RBFOX1: variants seen among roughly 807,000 people sequenced by gnomAD.
RBFOX1 encodes RNA binding fox-1 homolog 1.
RBFOX1 carries 8 observed loss-of-function variants against 57.7 expected under a neutral mutation model. The ratio of observed to expected loss-of-function variants is 0.14; its 90% CI spans 0.08 to 0.25. RBFOX1 has a LOEUF of 0.25. RBFOX1 is among the 10% of genes least tolerant of loss of function. The probability of loss-of-function intolerance (pLI) is 1.00; values close to 1 mark genes in which losing one functional copy is unlikely to be tolerated. For missense variants in RBFOX1, 611 were observed against 548.5 expected (o/e 1.11, Z -1.14); for synonymous variants, 326 against 222.4 (o/e 1.47, Z -4.15).
chr16:5,305,383 G>T (rs1356941291), intron 1 of RBFOX1, among the ~76,000 whole-genome samples: 2 of 151,966 alleles, frequency 1.3e-5, no homozygotes, highest in Admixed American at 1.3e-4. Flanking sequence ...TTCTGCTGGG[G>T]GTCACTTACA....
At position 6,939,604 on chromosome 16, in the gene RBFOX1, C is replaced by G. The variant is rs141024800; in HGVS notation, c.-15-112453C>G. Among the ~76,000 whole-genome samples the G allele has an allele frequency of 1.5e-3, 224 of 151,756 alleles. 3 individuals carry two copies. The highest frequency in any genetic ancestry group is 5.2e-3 in the African/African-American group (213 of 41,354). On this transcript the variant is annotated intron_variant, in intron 3 of 15. Transcript: ENST00000550418. ...TCAGCTCACTGCAACCTCTCCCTCC[C>G]AAGTTCACTTGATTCTCATGCCTCA...
intron 1 of RBFOX1, among the ~76,000 whole-genome samples, chr16:6,202,324 C>A (rs996568400): frequency 6.6e-6 from 1 of 152,184 alleles, no homozygotes; most frequent in Admixed American, 6.5e-5. Context: ...CCTGATTGCT[C>A]TGAGAGATTT....
intron 2 of RBFOX1, among the ~76,000 whole-genome samples, chr16:6,646,910 C>A (rs1476156975): frequency 6.6e-6 from 1 of 152,048 alleles, no homozygotes; most frequent in Non-Finnish European, 1.5e-5. Flanking sequence ...AGGAAGATAC[C>A]GCGTGTACAC....
At chr16:7,018,844 T>C (rs1272085040) in intron 3 of RBFOX1, among the ~76,000 whole-genome samples, 1 of 150,818 alleles carries the variant, frequency 6.6e-6, no homozygotes, top group Non-Finnish European at 1.5e-5. Context: ...CTAGGCCAGG[T>C]GCAGTGGCTG....
chr16:6,347,304 A>C (rs1005347711), intron 2 of RBFOX1, among the ~76,000 whole-genome samples: 2 of 152,110 alleles, frequency 1.3e-5, no homozygotes, highest in African/African-American at 4.8e-5. Flanking sequence ...CATCATCATC[A>C]TTGTCTCTCC....
intron 1 of RBFOX1, among the ~76,000 whole-genome samples, chr16:5,331,627 A>G (rs1036167329): frequency 3.0e-4 from 46 of 152,380 alleles, no homozygotes; most frequent in African/African-American, 1.1e-3. Flanking sequence ...TGGCCAAACA[A>G]AAATCAAAGG....
In RBFOX1 at chr16:6,257,841, T is replaced by C. The variant is rs116915208; in HGVS notation, c.-126-59154T>C. 4.3e-3 allele frequency among the ~76,000 whole-genome samples: 651 copies of C among 152,296 alleles called. 6 individuals carry two copies. The highest frequency in any genetic ancestry group is 0.025 in the Admixed American group (380 of 15,298). ...CTCTATCATTAATGGGCATTTAGGT[T>C]GTTTCCATGTCTTTTCTACTGTGAA... On this transcript the variant is annotated intron_variant, in intron 1 of 15. Coordinates refer to ENST00000550418, the MANE Select transcript of RBFOX1 (RefSeq NM_018723.4).
intron 4 of RBFOX1, among the ~76,000 whole-genome samples, chr16:5,975,791 A>C (rs767494764): frequency 1.3e-5 from 2 of 152,218 alleles, no homozygotes; most frequent in Non-Finnish European, 2.9e-5. Flanking sequence ...GTATAATTCA[A>C]TGAGATATTG....
At chr16:7,037,872 G>C (rs1200376258) in intron 3 of RBFOX1, among the ~76,000 whole-genome samples, 1 of 152,118 alleles carries the variant, frequency 6.6e-6, no homozygotes, top group African/African-American at 2.4e-5. Flanking sequence ...GCCCAGATAA[G>C]GCCATGGCCT....
At chr16:5,986,033 T>C (rs571349091) in intron 4 of RBFOX1, among the ~76,000 whole-genome samples, 91 of 150,994 alleles carry the variant, frequency 6.0e-4, no homozygotes, top group Non-Finnish European at 1.2e-3. Context: ...AAATTCCTCT[T>C]TATTTTCTAT....
chr16:5,251,787 T>A (rs2062459643), intron 1 of RBFOX1, among the ~76,000 whole-genome samples: 1 of 152,154 alleles, frequency 6.6e-6, no homozygotes, highest in Non-Finnish European at 1.5e-5. Context: ...GTGTCAACAT[T>A]CCTCATGCTG....
At chr16:5,457,942 A>T (rs955371194) in intron 1 of RBFOX1, among the ~76,000 whole-genome samples, 2 of 152,172 alleles carry the variant, frequency 1.3e-5, no homozygotes, top group Admixed American at 1.3e-4. Flanking sequence ...TTTCTTGGCC[A>T]AGCCCACTCA....
intron 1 of RBFOX1, among the ~76,000 whole-genome samples, chr16:5,350,555 C>T (rs1049037089): frequency 2.0e-5 from 3 of 152,174 alleles, no homozygotes; most frequent in African/African-American, 7.2e-5. Context: ...CTTCTAGAGC[C>T]TCAGTCCTCC....
At chr16:6,170,145 A>G (rs569860880) in intron 1 of RBFOX1, among the ~76,000 whole-genome samples, 2 of 152,298 alleles carry the variant, frequency 1.3e-5, no homozygotes, top group South Asian at 2.1e-4. Flanking sequence ...AGTTTGCTTT[A>G]ACACAGCTGA....
At position 6,864,998 on chromosome 16, in the gene RBFOX1, T is replaced by C. The variant is rs201175675; in HGVS notation, c.-15-187059T>C. Among the ~76,000 whole-genome samples, 10 of 106,102 alleles carry C rather than the reference T, an allele frequency of 9.4e-5. 1 individual carries two copies. The highest frequency in any genetic ancestry group is 2.9e-4 in the East Asian group (1 of 3,492). The allele number at this position is 106,102 out of a possible 152,430, so 69.6% of individuals were successfully genotyped here. The stretch of plus-strand genomic sequence containing the variant: ...GTTGGAGTGGGTTTTTCTTTTTCTT[T>C]TTTTTTTTTTTTTTTTTTTTTGAGA... On this transcript the variant is annotated intron_variant, in intron 3 of 15. Coordinates refer to ENST00000550418, the MANE Select transcript of RBFOX1 (RefSeq NM_018723.4).
At chr16:7,402,093 A>C (rs1351786401) in intron 4 of RBFOX1, among the ~76,000 whole-genome samples, 5 of 152,230 alleles carry the variant, frequency 3.3e-5, no homozygotes, top group African/African-American at 7.2e-5. Flanking sequence ...ACTGTATCCT[A>C]AAGTAATGGT....
intron 4 of RBFOX1, among the ~76,000 whole-genome samples, chr16:7,409,005 C>T (rs1597694349): frequency 2.0e-5 from 3 of 152,214 alleles, no homozygotes; most frequent in Admixed American, 2.0e-4. Flanking sequence ...AATTCTTCCC[C>T]TACTTTCTCC....
chr16:6,395,792 C>T (rs1341705666), intron 2 of RBFOX1, among the ~76,000 whole-genome samples: 1 of 152,066 alleles, frequency 6.6e-6, no homozygotes, highest in African/African-American at 2.4e-5. Context: ...GGGCCTTGCA[C>T]AGTAGCTCAC....
intron 4 of RBFOX1, among the ~76,000 whole-genome samples, chr16:7,213,052 A>T (rs906035822): frequency 6.6e-6 from 1 of 152,158 alleles, no homozygotes; most frequent in Non-Finnish European, 1.5e-5. Flanking sequence ...AGCAGAAGTA[A>T]ATGAAAGCCA....
Sources: gnomAD v4.1 joint callset for allele counts (sites outside exome capture counted in the v4.1 genomes callset) on GRCh38, gnomAD v4.1.1 for gene constraint, MANE v1.5 for transcripts, NCBI Gene and HGNC (gene_info 2026-07-23, HGNC 2026-07-21) for gene names.